Variants in RBFOX2 observed in about 807,000 individuals in gnomAD.
RBFOX2 encodes RNA binding protein fox-1 homolog 2.
RBFOX2 carries 10 observed loss-of-function variants against 49.1 expected under a neutral mutation model. That is an observed-to-expected ratio of 0.20 (90% CI 0.13 to 0.35). RBFOX2 has a LOEUF of 0.35. Among genes scored for constraint, RBFOX2 ranks in the 10% least tolerant of loss-of-function variants. The pLI is 1.00. For missense variants in RBFOX2, 323 were observed against 486.9 expected, an observed-to-expected ratio of 0.66 and a Z score of 3.17; for synonymous variants, 183 against 187.4, an observed-to-expected ratio of 0.98 and a Z score of 0.19.
At chr22:35,829,630 C>G (rs900677902) in intron 1 of RBFOX2, among the ~76,000 whole-genome samples, 1 of 152,050 alleles carries the variant, frequency 6.6e-6, no homozygotes, top group Non-Finnish European at 1.5e-5. Context: ...CATAGAATGG[C>G]TGGTTAGGAT....
At chr22:35,795,418 C>G (rs1403940214) in intron 2 of RBFOX2, among the ~76,000 whole-genome samples, 1 of 152,010 alleles carries the variant, frequency 6.6e-6, no homozygotes, top group Non-Finnish European at 1.5e-5. Context: ...TGTGGCCCCC[C>G]TTCTTCCCAT....
At chr22:35,806,026 A>G (rs1047979103) in intron 2 of RBFOX2, among the ~76,000 whole-genome samples, 1 of 152,196 alleles carries the variant, frequency 6.6e-6, no homozygotes, top group Non-Finnish European at 1.5e-5. Flanking sequence ...TTTTTAGGAC[A>G]GTGAAATTAC....
intron 1 of RBFOX2, among the ~76,000 whole-genome samples, chr22:35,866,816 C>A (rs1171081151): frequency 1.3e-5 from 2 of 152,174 alleles, no homozygotes; most frequent in Non-Finnish European, 2.9e-5. Context: ...AATACCACTT[C>A]ACTCCCACTC....
intron 2 of RBFOX2, among the ~76,000 whole-genome samples, chr22:35,793,297 CG>C (rs1200905523): frequency 3.9e-5 from 6 of 152,078 alleles, no homozygotes; most frequent in African/African-American, 1.4e-4. Flanking sequence ...CGCTTGAACC[CG>C]GGGGGCAGAG....
At position 35,761,229 on chromosome 22, in the gene RBFOX2, C is replaced by T. The variant is rs1320644846; in HGVS notation, c.727G>A (p.Gly243Ser). The stretch of plus-strand genomic sequence containing the variant: ...ATTAAAGGAATGTAAGTGTTGATAC[C>T]CCCTCTTCCTGATAGGGGCACTGCT... Residue 243 changes from glycine to serine, a missense_variant, in exon 8 of 12, where the codon GGT (glycine) becomes AGT (serine). By Grantham distance (56) the Gly-to-Ser change is moderately conservative. This residue lies in a region of RBFOX2 where 200 missense variants were observed against 370.0 expected (regional missense o/e 0.54). Transcript: ENST00000405409. 4.3e-6 allele frequency: 7 copies of T among 1,613,998 alleles called. No homozygotes were observed. In the Admixed American group the frequency reaches 8.3e-5, roughly 19 times the overall value.
chr22:35,784,778 C>T (rs557429965), intron 2 of RBFOX2, among the ~76,000 whole-genome samples: 16 of 152,282 alleles, frequency 1.1e-4, no homozygotes, highest in Admixed American at 5.2e-4. Context: ...GCTTTTGCCC[C>T]GGGAGGCCCG....
At chr22:35,865,165 C>T (rs1036039597) in intron 1 of RBFOX2, among the ~76,000 whole-genome samples, 1 of 151,964 alleles carries the variant, frequency 6.6e-6, no homozygotes, top group Non-Finnish European at 1.5e-5. Context: ...ATGTATATCT[C>T]GGCCCTTGGA....
At chr22:35,878,888 A>G (rs1176293618) in intron 1 of RBFOX2, among the ~76,000 whole-genome samples, 1 of 151,696 alleles carries the variant, frequency 6.6e-6, no homozygotes, top group African/African-American at 2.4e-5. Context: ...CCGCCACCAC[A>G]CCCGGCTAAT....
At position 36,023,202 on chromosome 22, in the gene RBFOX2, A is replaced by C. The variant is rs369520742; in HGVS notation, c.186+5038T>G. ...TAAGCCCATAAATAAGCAAATGGGA[A>C]GATAAACTACTTCAATAAACACAGC... is the stretch of plus-strand genomic sequence containing the variant. On this transcript the variant is annotated intron_variant, in intron 1 of 13. Coordinates refer to the RBFOX2 transcript ENST00000438146. Among the ~76,000 whole-genome samples, 41 of 152,326 alleles carry C rather than the reference A, an allele frequency of 2.7e-4. 1 individual carries two copies. In the South Asian group the frequency reaches 8.3e-3, roughly 31 times the overall value.
intron 1 of RBFOX2, among the ~76,000 whole-genome samples, chr22:35,914,121 T>G (rs1025590495): frequency 1.3e-4 from 20 of 152,206 alleles, no homozygotes; most frequent in Non-Finnish European, 2.6e-4. Context: ...TTAGCCAGCC[T>G]AGTGGAATGG....
intron 1 of RBFOX2, among the ~76,000 whole-genome samples, chr22:35,957,403 G>A (rs1312289749): frequency 6.6e-6 from 1 of 152,158 alleles, no homozygotes; most frequent in Non-Finnish European, 1.5e-5. Context: ...GGGACCCATA[G>A]GGATCATCTA....
chr22:35,864,751 C>T (rs1481755497), intron 1 of RBFOX2, among the ~76,000 whole-genome samples: 1 of 152,196 alleles, frequency 6.6e-6, no homozygotes, highest in African/African-American at 2.4e-5. Context: ...CTAATGCACA[C>T]AGCACCAGTT....
At chr22:35,756,213 G>T in intron 9 of RBFOX2, 69 bp from the exon 11 acceptor site, 1 of 1,425,156 alleles carries the variant, frequency 7.0e-7, no homozygotes, top group South Asian at 1.4e-5. Flanking sequence ...CGGTTATTGA[G>T]GACGGCAGCA....
At chr22:35,934,931 GTTTA>G (rs1196692620) in intron 1 of RBFOX2, among the ~76,000 whole-genome samples, 2 of 151,902 alleles carry the variant, frequency 1.3e-5, no homozygotes, top group African/African-American at 4.8e-5. Flanking sequence ...TCCTGCCTGG[GTTTA>G]TTTATTCATT....
At chr22:35,774,608 AT>A (rs1178693364) in intron 4 of RBFOX2, among the ~76,000 whole-genome samples, 1 of 152,154 alleles carries the variant, frequency 6.6e-6, no homozygotes, top group East Asian at 1.9e-4. Context: ...TCATTCTATA[AT>A]CTAAGTAAGC....
chr22:35,912,403 T>C (rs1011822863), intron 1 of RBFOX2, among the ~76,000 whole-genome samples: 5 of 152,316 alleles, frequency 3.3e-5, no homozygotes, highest in African/African-American at 1.2e-4. Flanking sequence ...AGCAATAACA[T>C]TTCCTCACCG....
intron 1 of RBFOX2, among the ~76,000 whole-genome samples, chr22:36,024,539 G>A (rs945059883): frequency 3.9e-5 from 6 of 151,980 alleles, no homozygotes; most frequent in Non-Finnish European, 7.4e-5. Context: ...TCAGGAGTTC[G>A]AGACCAGCCT....
intron 1 of RBFOX2, among the ~76,000 whole-genome samples, chr22:36,025,476 T>C (rs543318611): frequency 1.3e-4 from 20 of 152,336 alleles, no homozygotes; most frequent in Admixed American, 1.2e-3. Context: ...TTCCATTCAA[T>C]ATTAGTTCCA....
chr22:35,926,721 T>C (rs1402835425), intron 1 of RBFOX2, among the ~76,000 whole-genome samples: 1 of 152,184 alleles, frequency 6.6e-6, no homozygotes, highest in African/African-American at 2.4e-5. Context: ...GCATCATTCA[T>C]CTATCCACAG....
Sources: gnomAD v4.1 joint callset for allele counts (sites outside exome capture counted in the v4.1 genomes callset) on GRCh38, gnomAD v4.1.1 for gene constraint, gnomAD v4.1.1 regional missense constraint, MANE v1.5 for transcripts, NCBI Gene and HGNC (gene_info 2026-07-23, HGNC 2026-07-21) for gene names.